DNAH6: variants seen among roughly 807,000 people sequenced by gnomAD.
DNAH6 encodes dynein axonemal heavy chain 6.
Under a neutral mutation model 491.4 loss-of-function variants are expected in DNAH6, and 340 were observed. The observed-to-expected ratio is 0.69, with a 90% CI of 0.63 to 0.76. The LOEUF (loss-of-function observed/expected upper bound fraction) is 0.76, where lower values mean the gene tolerates loss of function less well. Among genes scored for constraint, DNAH6 ranks in the 30% least tolerant of loss-of-function variants. DNAH6 has a pLI of 0.00. For missense variants in DNAH6, 4,443 were observed against 4,972.2 expected (o/e 0.89, Z 3.20); for synonymous variants, 1,603 against 1,686.1 (o/e 0.95, Z 1.21).
At chr2:84,494,251 T>C in the DNAH6 span, among the ~76,000 whole-genome samples, 9 of 152,192 alleles carry the variant, frequency 5.9e-5, no homozygotes, top group Non-Finnish European at 7.3e-5. Flanking sequence ...TGGTAGCATA[T>C]GAATCATCTG....
At chr2:84,490,881 T>A in the DNAH6 span, among the ~76,000 whole-genome samples, 11 of 152,130 alleles carry the variant, frequency 7.2e-5, no homozygotes, top group African/African-American at 2.7e-4. Context: ...TGATTTTTAA[T>A]TGGGTTTCTT....
At chr2:84,668,120 T>C (rs1306862755) in intron 37 of DNAH6, among the ~76,000 whole-genome samples, 1 of 152,132 alleles carries the variant, frequency 6.6e-6, no homozygotes, top group Non-Finnish European at 1.5e-5. Flanking sequence ...GGGATAGCAT[T>C]AGGAGAAATA....
intron 30 of DNAH6, among the ~76,000 whole-genome samples, chr2:84,636,354 C>T (rs2104475725): frequency 6.6e-6 from 1 of 152,308 alleles, no homozygotes; most frequent in South Asian, 2.1e-4. Context: ...GTTCCTCCAC[C>T]TGAAACATCC....
In DNAH6 at chr2:84,544,473, A is replaced by T; in HGVS notation, c.903A>T (p.Leu301=). 1 of 1,502,732 alleles carries T rather than the reference A, an allele frequency of 6.7e-7. No individual in the cohort carries two copies. The highest frequency in any genetic ancestry group is 9.1e-7 in the Non-Finnish European group (1 of 1,103,344). 93.1% of individuals were successfully genotyped at this position (1,502,732 alleles called of 1,614,324 possible). ...AAATCACTGGATGTCAAAAATCTCT[A>T]CAAAAAAATTTGTTCATTGTTAATC... ...SKKITGCQKS[L]QKNLFIVNPH... Residue 301 remains leucine (L), a synonymous_variant, in exon 5 of 77, where the codon CTA becomes CTT. Coordinates refer to ENST00000389394, the MANE Select transcript of DNAH6 (RefSeq NM_001370.2).
intron 29 of DNAH6, among the ~76,000 whole-genome samples, chr2:84,628,411 A>T (rs913596883): frequency 6.6e-6 from 1 of 152,020 alleles, no homozygotes; most frequent in African/African-American, 2.4e-5. Context: ...CATAAGAGAG[A>T]GGAGAGATTT....
chr2:84,638,521 G>C (rs1689083685), intron 31 of DNAH6, among the ~76,000 whole-genome samples: 1 of 151,746 alleles, frequency 6.6e-6, no homozygotes, highest in African/African-American at 2.4e-5. Flanking sequence ...TACCCCTTTA[G>C]GATGGAATTT....
intron 64 of DNAH6, 22 bp downstream of exon 64, chr2:84,762,967 T>G: frequency 6.5e-7 from 1 of 1,534,620 alleles, no homozygotes; most frequent in East Asian, 2.4e-5. Context: ...TTGTGCAGTT[T>G]TAATAATGCA....
chr2:84,557,285 G>A lies in DNAH6; in HGVS notation c.1603-450G>A, dbSNP rs1680132133. Among the ~76,000 whole-genome samples the A allele has an allele frequency of 2.6e-5, 4 of 152,262 alleles. No homozygotes were observed. In the South Asian group the frequency reaches 8.3e-4, roughly 32 times the overall value. ...TGTCTTTTGATTTGTCATATACTCAGAATCAGCACAATACCTAGCCTGGTT... is the reference window on the plus strand; with the variant it reads ...TGTCTTTTGATTTGTCATATACTCAAAATCAGCACAATACCTAGCCTGGTT... On this transcript the variant is annotated intron_variant, in intron 10 of 76. Transcript: ENST00000389394.
intron 65 of DNAH6, among the ~76,000 whole-genome samples, chr2:84,783,926 A>C (rs944041413): frequency 6.6e-6 from 1 of 152,214 alleles, no homozygotes; most frequent in East Asian, 1.9e-4. Flanking sequence ...GTTTAATCTG[A>C]GTAGTCCTCT....
chr2:84,511,374 T>A, the DNAH6 span, among the ~76,000 whole-genome samples: 5 of 136,672 alleles, frequency 3.7e-5, no homozygotes, highest in African/African-American at 7.4e-5. Context: ...CTCCAAGCCA[T>A]GCGCGGGATA....
intron 62 of DNAH6, among the ~76,000 whole-genome samples, chr2:84,734,301 C>T (rs578059232): frequency 1.1e-4 from 17 of 151,970 alleles, no homozygotes; most frequent in South Asian, 4.2e-4. Context: ...CCACCACACC[C>T]GGCTAATTTT....
chr2:84,491,452 C>G, the DNAH6 span, among the ~76,000 whole-genome samples: 1 of 152,150 alleles, frequency 6.6e-6, no homozygotes. Flanking sequence ...CAATTCTGTT[C>G]TCTACCTTCT....
chr2:84,654,516 G>C (rs1041353655), intron 34 of DNAH6, 144 bp from the exon 35 acceptor site: 1 of 1,039,886 alleles, frequency 9.6e-7, no homozygotes, highest in Non-Finnish European at 1.3e-6. Context: ...ATTACTTATT[G>C]CTCTCCCACT....
rs145336355 is a variant in DNAH6 at position 84,742,263 on chromosome 2, T to C, written c.10343-2817T>C. ...ATATTTCTGCACTCTTTACTTTCCA[T>C]TTTTTGTGTGTCATCATTATGTTTT... is the stretch of plus-strand genomic sequence containing the variant. On this transcript the variant is annotated intron_variant, in intron 62 of 76. Coordinates refer to ENST00000389394, the MANE Select transcript of DNAH6 (RefSeq NM_001370.2). 1.1e-4 allele frequency among the ~76,000 whole-genome samples: 16 copies of C among 152,310 alleles called. 1 individual carries two copies. The East Asian group carries it at 2.5e-3, about 24-fold the overall frequency.
the DNAH6 span, among the ~76,000 whole-genome samples, chr2:84,492,106 G>A: frequency 3.3e-5 from 5 of 152,174 alleles, no homozygotes; most frequent in African/African-American, 7.2e-5. Context: ...CCCATCTTGG[G>A]AATGCCTTAG....
In DNAH6 at chr2:84,737,387, G is replaced by A. The variant is rs904781463; in HGVS notation, c.10342+3808G>A. ...CCCTCCTCCTCAATTTTTTGGAATA[G>A]TTTCAGTGGAATTGGTACCAGCTCT... On this transcript the variant is annotated intron_variant, in intron 62 of 76. Transcript: ENST00000389394. Among the ~76,000 whole-genome samples the A allele has an allele frequency of 2.0e-5, 3 of 152,036 alleles. No homozygotes were observed. In the East Asian group the frequency reaches 5.8e-4, roughly 29 times the overall value.
intron 62 of DNAH6, among the ~76,000 whole-genome samples, chr2:84,744,256 C>T (rs913364812): frequency 9.9e-5 from 15 of 152,190 alleles, no homozygotes; most frequent in Non-Finnish European, 1.9e-4. Context: ...TTGTGCCTAA[C>T]GGCCAACCCA....
intron 64 of DNAH6, chr2:84,778,130 A>C: frequency 1.3e-6 from 1 of 772,184 alleles, no homozygotes; most frequent in African/African-American, 1.7e-5. Flanking sequence ...AGGCCATGCC[A>C]ACAGCACCAA....
chr2:84,693,735 CAA>C (rs33923012), intron 45 of DNAH6, among the ~76,000 whole-genome samples: 18 of 133,704 alleles, frequency 1.3e-4, no homozygotes, highest in Non-Finnish European at 1.8e-4. Context: ...GACTCTATCT[CAA>C]AAAAAAAAAA....
Sources: allele counts gnomAD v4.1 joint callset (sites outside exome capture counted in the v4.1 genomes callset), GRCh38; gene constraint gnomAD v4.1.1; transcripts MANE v1.5; gene names NCBI Gene and HGNC (gene_info 2026-07-23, HGNC 2026-07-21).